Variants in NCOA7 observed in about 807,000 individuals in gnomAD.
NCOA7 encodes the protein 140 kDa estrogen receptor-associated protein.
NCOA7 carries 45 observed loss-of-function variants against 104.3 expected under a neutral mutation model. The observed-to-expected ratio is 0.43, with a 90% CI of 0.34 to 0.55. The LOEUF is 0.55. NCOA7 is among the 20% of genes least tolerant of loss of function. The pLI, the probability that NCOA7 is intolerant of heterozygous loss-of-function variation, is 0.02. For synonymous variants in NCOA7, 398 were observed against 402.3 expected (o/e 0.99, Z 0.13); for missense variants, 1,041 against 1,119.7 (o/e 0.93, Z 1.00).
chr6:125,883,690 C>CT (rs899326278), intron 7 of NCOA7, among the ~76,000 whole-genome samples: 3 of 148,182 alleles, frequency 2.0e-5, no homozygotes, highest in African/African-American at 7.4e-5. Context: ...CCATCCTTCT[C>CT]TTTCCCCTAA....
At chr6:125,890,133 A>G (rs1784526337) in intron 9 of NCOA7, 152 bp downstream of exon 9, 2 of 580,102 alleles carry the variant, frequency 3.4e-6, no homozygotes, top group Non-Finnish European at 5.3e-6. Flanking sequence ...ATTGGGGAGA[A>G]AATTTACAAG....
Position 125,930,470 on chromosome 6 carries a change from C to A in NCOA7, c.*1699C>A, listed in dbSNP as rs1788401866. ...AGTAGGAAAAAATTTCAAATAATAA[C>A]CAAAGCTGAAAAATGGTCTGTCATA... On this transcript the variant is annotated 3_prime_UTR_variant, in exon 16 of 16. Coordinates refer to ENST00000392477, the MANE Select transcript of NCOA7 (RefSeq NM_181782.5). 6.6e-6 allele frequency: 1 copy of A among 152,380 alleles called. No homozygotes were observed. The highest frequency in any genetic ancestry group is 2.4e-5 in the African/African-American group (1 of 41,374). 9.4% of individuals were successfully genotyped at this position (152,380 alleles called of 1,614,324 possible). A position where few individuals can be genotyped will look rare whatever the true frequency, so the allele number is the denominator to read the frequency against.
Position 125,929,548 on chromosome 6 carries a change from C to T in NCOA7, c.*777C>T, listed in dbSNP as rs1788338530. On this transcript the variant is annotated 3_prime_UTR_variant, in exon 16 of 16. Transcript: ENST00000392477. ...TATATGAGTGTATAATTCTAAATTT[C>T]TAAAAACTCATTATGAATGTTCATC... 1 of 151,924 alleles carries T rather than the reference C, an allele frequency of 6.6e-6. No homozygotes were observed. The highest frequency in any genetic ancestry group is 3.2e-3 in the Middle Eastern group (1 of 314). 9.4% of individuals were successfully genotyped at this position (151,924 alleles called of 1,614,324 possible). A position where few individuals can be genotyped will look rare whatever the true frequency, so the allele number is the denominator to read the frequency against.
chr6:125,782,722 A>G (rs1474441187), intron 1 of NCOA7, among the ~76,000 whole-genome samples: 3 of 152,242 alleles, frequency 2.0e-5, no homozygotes, highest in Non-Finnish European at 4.4e-5. Context: ...ATCAGAATGC[A>G]CATAATTCCA....
chr6:125,908,834 AG>A (rs1786264480), intron 10 of NCOA7, among the ~76,000 whole-genome samples: 1 of 152,268 alleles, frequency 6.6e-6, no homozygotes, highest in Non-Finnish European at 1.5e-5. Context: ...TTGCTAAGAT[AG>A]TTTCTCTCCC....
At chr6:125,912,144 A>G (rs1008593538) in intron 10 of NCOA7, among the ~76,000 whole-genome samples, 3 of 152,126 alleles carry the variant, frequency 2.0e-5, no homozygotes, top group Admixed American at 6.5e-5. Context: ...GGTCCACTAG[A>G]TGCTGTGGCT....
At chr6:125,888,251 A>G (rs759742880) in intron 8 of NCOA7, among the ~76,000 whole-genome samples, 5 of 152,222 alleles carry the variant, frequency 3.3e-5, no homozygotes, top group Non-Finnish European at 5.9e-5. Context: ...TACTATACAT[A>G]AGAGCTTTTT....
intron 2 of NCOA7, 112 bp downstream of exon 2, chr6:125,815,516 G>A: frequency 1.2e-6 from 1 of 807,084 alleles, no homozygotes; most frequent in Non-Finnish European, 2.0e-6. Context: ...CATAAATAGA[G>A]CAGGTAACCA....
intron 15 of NCOA7, 64 bp downstream of exon 15, chr6:125,928,311 T>G: frequency 7.0e-7 from 1 of 1,436,142 alleles, no homozygotes; most frequent in South Asian, 1.2e-5. Flanking sequence ...GTGGGTCTGT[T>G]TTGACCTACG....
chr6:125,799,847 T>C (rs1775724213), intron 1 of NCOA7, among the ~76,000 whole-genome samples: 1 of 152,128 alleles, frequency 6.6e-6, no homozygotes, highest in African/African-American at 2.4e-5. Context: ...GAAAATCGGA[T>C]GTTGTTGTGT....
chr6:125,878,500 C>T, intron 5 of NCOA7, 130 bp downstream of exon 5: 1 of 601,892 alleles, frequency 1.7e-6, no homozygotes. Context: ...AATATTTTCT[C>T]TCCTTTATTT....
intron 2 of NCOA7, among the ~76,000 whole-genome samples, chr6:125,840,119 G>A (rs531364521): frequency 2.0e-5 from 3 of 152,060 alleles, no homozygotes; most frequent in African/African-American, 2.4e-5. Flanking sequence ...AGACAATGAC[G>A]TTGATGTTCC....
At chr6:125,922,543 A>G in intron 12 of NCOA7, 139 bp from the exon 13 acceptor site, 6 of 1,001,630 alleles carry the variant, frequency 6.0e-6, no homozygotes, top group Non-Finnish European at 8.6e-6. Context: ...TAGAATAGCA[A>G]ATATTTGCCA....
intron 1 of NCOA7, chr6:125,796,694 G>A (rs9375412): frequency 0.78 from 115,632 of 149,198 alleles, 45,248 homozygotes; most frequent in East Asian, 0.91. Context: ...CCACTCTGTC[G>A]CCCAGGCTGG....
intron 3 of NCOA7, among the ~76,000 whole-genome samples, chr6:125,855,831 C>T (rs761694965): frequency 2.6e-5 from 4 of 151,998 alleles, no homozygotes; most frequent in Non-Finnish European, 5.9e-5. Flanking sequence ...TTACAGGTGC[C>T]CACCACCATG....
intron 2 of NCOA7, among the ~76,000 whole-genome samples, chr6:125,815,623 C>T (rs1370094128): frequency 6.6e-6 from 1 of 152,176 alleles, no homozygotes; most frequent in Non-Finnish European, 1.5e-5. Context: ...TTCTCTCAGG[C>T]CAGTGTTGCT....
chr6:125,899,857 C>A, intron 10 of NCOA7: 1 of 371,394 alleles, frequency 2.7e-6, no homozygotes, highest in Non-Finnish European at 6.2e-6. Context: ...ACTCTACAGT[C>A]AGACGTAAGC....
intron 13 of NCOA7, among the ~76,000 whole-genome samples, chr6:125,924,876 G>A (rs1309335355): frequency 6.6e-6 from 1 of 152,124 alleles, no homozygotes; most frequent in African/African-American, 2.4e-5. Context: ...CTCTCTCACT[G>A]TGGGTCCCCT....
chr6:125,921,184 CG>C, intron 12 of NCOA7, 116 bp downstream of exon 12: 1 of 1,333,832 alleles, frequency 7.5e-7, no homozygotes. Flanking sequence ...CCAAGGCAGG[CG>C]GATCACTTGA....
Sources: gnomAD v4.1 joint callset for allele counts (sites outside exome capture counted in the v4.1 genomes callset) on GRCh38, gnomAD v4.1.1 for gene constraint, MANE v1.5 for transcripts, NCBI Gene and HGNC (gene_info 2026-07-23, HGNC 2026-07-21) for gene names.